The following ENGASE variants were observed in gnomAD, a reference collection of about 807,000 sequenced individuals.
ENGASE encodes cytosolic endo-beta-N-acetylglucosaminidase.
Under a neutral mutation model 78.5 loss-of-function variants are expected in ENGASE, and 69 were observed. That is an observed-to-expected ratio of 0.88 (90% CI 0.72 to 1.07). The LOEUF is 1.07. Ranked by LOEUF, ENGASE falls within the 50% of genes least tolerant of loss-of-function variation. The probability of loss-of-function intolerance (pLI) is 0.00; values close to 1 mark genes in which losing one functional copy is unlikely to be tolerated. For synonymous variants in ENGASE, 408 were observed against 408.9 expected (o/e 1.00, Z 0.03); for missense variants, 943 against 988.4 (o/e 0.95, Z 0.62).
Position 79,086,518 on chromosome 17 carries a change from G to T in ENGASE, c.*169G>T. The T allele has an allele frequency of 1.3e-6, 1 of 784,978 alleles. No individual in the cohort carries two copies. The highest frequency in any genetic ancestry group is 1.9e-5 in the South Asian group (1 of 52,344). 48.6% of individuals were successfully genotyped at this position (784,978 alleles called of 1,614,324 possible). A position where few individuals can be genotyped will look rare whatever the true frequency, so the allele number is the denominator to read the frequency against. On this transcript the variant is annotated 3_prime_UTR_variant, in exon 14 of 14. Coordinates refer to ENST00000579016, the MANE Select transcript of ENGASE (RefSeq NM_001042573.3). ...GAGTGCTGTGGCTTTCTGGTGGGGGGCGATGGAAACAGGAAACCAAGCAGT... is the reference window on the plus strand; with the variant it reads ...GAGTGCTGTGGCTTTCTGGTGGGGGTCGATGGAAACAGGAAACCAAGCAGT...
Position 79,083,717 on chromosome 17 carries a change from C to T in ENGASE, c.1252-44C>T. ...CCCTGCCGCTCCGGGCACCCCTGCT[C>T]TGTTGGCCTCTGCTGAGTGCCCCTG... On this transcript the variant is annotated intron_variant, in intron 9 of 13. Transcript: ENST00000579016. This position sits in a 1 kb window ranked among gnomAD's most constrained non-coding sequence, Gnocchi z 4.9. 6.3e-7 allele frequency: 1 copy of T among 1,585,626 alleles called. No individual in the cohort carries two copies. The highest frequency in any genetic ancestry group is 8.6e-7 in the Non-Finnish European group (1 of 1,162,296).
chr17:79,082,128 TGGACC>T, intron 7 of ENGASE, 65 bp downstream of exon 7: 1 of 1,613,624 alleles, frequency 6.2e-7, no homozygotes, highest in South Asian at 1.1e-5. Flanking sequence ...CATTTCCTCA[TGGACC>T]TTCCATTCCC....
At chr17:79,077,025 C>T (rs1454856237) in intron 1 of ENGASE, among the ~76,000 whole-genome samples, 1 of 152,216 alleles carries the variant, frequency 6.6e-6, no homozygotes, top group Non-Finnish European at 1.5e-5. Flanking sequence ...AGGCGTGTGC[C>T]ACCATGCCCA....
At chr17:79,081,108 T>C (rs747813884) in intron 6 of ENGASE, 35 bp downstream of exon 6, 1 of 615,286 alleles carries the variant, frequency 1.6e-6, no homozygotes, top group Admixed American at 3.3e-5. Context: ...AGGGGGCAGG[T>C]GCCGTGGTGG....
chr17:79,083,410 G>A lies in ENGASE; in HGVS notation c.1143-72G>A, dbSNP rs2073200804. 5.6e-5 allele frequency: 68 copies of A among 1,218,356 alleles called. No individual in the cohort carries two copies. The South Asian group carries it at 8.4e-4, about 15-fold the overall frequency. The allele number at this position is 1,218,356 out of a possible 1,614,324, so 75.5% of individuals were successfully genotyped here. A position where few individuals can be genotyped will look rare whatever the true frequency, so the allele number is the denominator to read the frequency against. ...GCAGGAGAGCCTCGAGTTTCCACCA[G>A]CAAGTTTGAGGGACACTGAGAGGCT... On this transcript the variant is annotated intron_variant, in intron 8 of 13. Transcript: ENST00000579016. This position sits in a 1 kb window ranked among gnomAD's most constrained non-coding sequence, Gnocchi z 4.9.
chr17:79,075,060 CGCGGCCGCGGCGGCG>C lies in ENGASE; in HGVS notation c.124_138del (p.Arg42_Pro46del). ...CAGGAGGAGCAGGAGGATCAGGAGCCGCGGCCGCGGCGGCGGCGGCCGGGAAGGAGGTGGGGCTGC... is the reference window on the plus strand; with the variant it reads ...CAGGAGGAGCAGGAGGATCAGGAGCCGCGGCCGGGAAGGAGGTGGGGCTGC... On this transcript the variant is annotated inframe_deletion, in exon 1 of 14. Coordinates refer to ENST00000579016, the MANE Select transcript of ENGASE (RefSeq NM_001042573.3). The C allele has an allele frequency of 1.7e-6, 2 of 1,202,800 alleles. No homozygotes were observed. Among genetic ancestry groups the C allele is most frequent in the African/African-American group, 1.6e-5 (1 of 63,366 alleles). The allele number at this position is 1,202,800 out of a possible 1,614,324, so 74.5% of individuals were successfully genotyped here.
At chr17:79,080,554 C>A (rs951394251) in intron 5 of ENGASE, among the ~76,000 whole-genome samples, 190 bp downstream of exon 5, 1 of 152,248 alleles carries the variant, frequency 6.6e-6, no homozygotes, top group Admixed American at 6.5e-5. Flanking sequence ...GAATCTCCTC[C>A]GACTGTTTCC....
At position 79,086,606 on chromosome 17, in the gene ENGASE, C is replaced by T. The variant is rs1172310051; in HGVS notation, c.*257C>T. Reference sequence around the variant, plus strand: ...GCTTTCTGTTTCTGCCTTGTCCCTCCCCACGGTACCTGGTTCCCAGGTGAA... The same window carrying T: ...GCTTTCTGTTTCTGCCTTGTCCCTCTCCACGGTACCTGGTTCCCAGGTGAA... On this transcript the variant is annotated 3_prime_UTR_variant, in exon 14 of 14. Transcript: ENST00000579016. 3 of 561,994 alleles carry T rather than the reference C, an allele frequency of 5.3e-6. No homozygotes were observed. Among genetic ancestry groups the T allele is most frequent in the East Asian group, 5.9e-5 (2 of 33,884 alleles). The allele number at this position is 561,994 out of a possible 1,614,324, so 34.8% of individuals were successfully genotyped here. A position where few individuals can be genotyped will look rare whatever the true frequency, so the allele number is the denominator to read the frequency against.
At position 79,078,629 on chromosome 17, in the gene ENGASE, C is replaced by T. The variant is rs78199709; in HGVS notation, c.416+765C>T. Among the ~76,000 whole-genome samples the T allele has an allele frequency of 8.7e-4, 133 of 152,346 alleles. 1 individual carries two copies. In the East Asian group the frequency reaches 0.01, roughly 12 times the overall value. On this transcript the variant is annotated intron_variant, in intron 3 of 13. Transcript: ENST00000579016. ...ATGCCCCACCCACCCCAGGTGCAGA[C>T]GTCCCATCCAAAGTTGCCGTGGAGT...
Position 79,086,000 on chromosome 17 carries a change from G to C in ENGASE, c.1883G>C (p.Arg628Pro). The change falls in exon 14 of 14, where the codon CGC becomes CCC. Residue 628 changes from arginine to proline, a missense_variant. Arg to Pro is a moderately radical substitution (Grantham distance 103, BLOSUM62 -2). Transcript: ENST00000579016. ...QVQAVTISHI[R>P]WQPSASEREG... ...CAGGCCGTCACCATCTCTCACATCC[G>C]CTGGCAGCCATCCGCCTCTGAGCGG... 6.2e-7 allele frequency: 1 copy of C among 1,610,922 alleles called. No homozygotes were observed. Among genetic ancestry groups the C allele is most frequent in the Non-Finnish European group, 8.5e-7 (1 of 1,179,990 alleles).
chr17:79,082,752 G>A (rs544244419), intron 7 of ENGASE: 39 of 1,440,916 alleles, frequency 2.7e-5, no homozygotes, highest in Middle Eastern at 3.6e-4. Context: ...CAATGGGACC[G>A]CGCAGCCACA....
rs76374707 is a variant in ENGASE at position 79,082,051 on chromosome 17, C to T, written c.1026C>T (p.Phe342=). 2,715 of 1,614,194 alleles carry T rather than the reference C, an allele frequency of 1.7e-3. 34 individuals carry two copies. In the East Asian group the frequency reaches 0.037, roughly 22 times the overall value. ...GAGGGAACGTGGTCGGAGGCCGATT[C>T]GACACAGACAAGGTGGGTGGTGGCT... ...FARGNVVGGR[F]DTDKSLELIR... is the part of the protein sequence containing the mutation. The change falls in exon 7 of 14, where the codon TTC becomes TTT. Residue 342 remains phenylalanine (F), a synonymous_variant. Coordinates refer to ENST00000579016, the MANE Select transcript of ENGASE (RefSeq NM_001042573.3).
At position 79,083,565 on chromosome 17, in the gene ENGASE, G is replaced by T; in HGVS notation, c.1226G>T (p.Gly409Val). The T allele has an allele frequency of 1.2e-6, 2 of 1,614,110 alleles. No homozygotes were observed. Among genetic ancestry groups the T allele is most frequent in the Non-Finnish European group, 1.7e-6 (2 of 1,179,970 alleles). ...GTCACGTCCTTCTGCCTGGGCATGG[G>T]TGCACGGAGGGTCTGCTATGGCCAG... ...PFVTSFCLGM[G>V]ARRVCYGQEE... Residue 409 changes from glycine to valine, a missense_variant, in exon 9 of 14, where the codon GGT becomes GTT. Transcript: ENST00000579016. The surrounding 1 kb of genome is among the most constrained non-coding windows in gnomAD (Gnocchi z 4.9).
chr17:79,084,306 C>A, intron 10 of ENGASE: 1 of 532,288 alleles, frequency 1.9e-6, no homozygotes, highest in South Asian at 2.6e-5. Context: ...TTTAGATGCC[C>A]CATATGAGGG....
rs538416262 is a variant in ENGASE, at chr17:79,079,550, G to C, written c.478G>C (p.Val160Leu). The C allele has an allele frequency of 9.3e-6, 15 of 1,614,068 alleles. No individual in the cohort carries two copies. The highest frequency in any genetic ancestry group is 4.4e-5 in the South Asian group (4 of 91,074). ...TTTCTACCACTGGCAGTGCATCGAC[G>C]TCTTTGTGTACTTCAGCCACCACAC... ...YAFYHWQCID[V>L]FVYFSHHTVT... Residue 160 changes from valine (V) to leucine (L), a missense_variant, in exon 4 of 14, where the codon GTC (valine) becomes CTC (leucine). Coordinates refer to ENST00000579016, the MANE Select transcript of ENGASE (RefSeq NM_001042573.3).
At chr17:79,081,710 C>T (rs2073141661) in intron 6 of ENGASE, among the ~76,000 whole-genome samples, 188 bp from the exon 7 acceptor site, 1 of 144,768 alleles carries the variant, frequency 6.9e-6, no homozygotes, top group Non-Finnish European at 1.5e-5. Flanking sequence ...GGGGGTGGCC[C>T]TGTCCCTCTG....
chr17:79,087,325 G>C lies in ENGASE; in HGVS notation c.*976G>C. 1 of 329,686 alleles carries C rather than the reference G, an allele frequency of 3.0e-6. No individual in the cohort carries two copies. The highest frequency in any genetic ancestry group is 2.4e-5 in the South Asian group (1 of 41,550). The allele number at this position is 329,686 out of a possible 1,614,324, so 20.4% of individuals were successfully genotyped here. On this transcript the variant is annotated 3_prime_UTR_variant, in exon 14 of 14. Transcript: ENST00000579016. ...CTTCTCAGCCTCGTCCAAGCACCGG[G>C]AAGACCTCCAGGCTGACCCCTTGAG... is the stretch of plus-strand genomic sequence containing the variant.
chr17:79,085,428 G>A, intron 12 of ENGASE, 86 bp downstream of exon 12: 8 of 1,352,764 alleles, frequency 5.9e-6, no homozygotes, highest in Non-Finnish European at 8.0e-6. Flanking sequence ...GAGGGGCCCT[G>A]GGCTGGCCCC....
intron 1 of ENGASE, among the ~76,000 whole-genome samples, chr17:79,076,540 G>C (rs1469692480): frequency 6.6e-6 from 1 of 152,206 alleles, no homozygotes; most frequent in Non-Finnish European, 1.5e-5. Context: ...CTCCAGCCTG[G>C]GCGACAGAGC....
Sources: allele counts gnomAD v4.1 joint callset (sites outside exome capture counted in the v4.1 genomes callset), GRCh38; gene constraint gnomAD v4.1.1; non-coding constraint Gnocchi (gnomAD v3.1); transcripts MANE v1.5; gene names NCBI Gene and HGNC (gene_info 2026-07-23, HGNC 2026-07-21).